CNIH3: variants seen among roughly 807,000 people sequenced by gnomAD.
CNIH3 encodes protein cornichon homolog 3.
Under a neutral mutation model 24.1 loss-of-function variants are expected in CNIH3, and 14 were observed. That is an observed-to-expected ratio of 0.58 (90% CI 0.38 to 0.91). The LOEUF is 0.91. Ranked by LOEUF, CNIH3 falls within the 40% of genes least tolerant of loss-of-function variation. The pLI is 0.00. For missense variants in CNIH3, 178 were observed against 196.8 expected, an observed-to-expected ratio of 0.90 and a Z score of 0.57; for synonymous variants, 68 against 73.8, an observed-to-expected ratio of 0.92 and a Z score of 0.40.
In CNIH3 at chr1:224,455,725, A is replaced by G. The variant is rs908121553; in HGVS notation, n.203+20863A>G. Among the ~76,000 whole-genome samples the G allele has an allele frequency of 5.3e-5, 8 of 152,166 alleles. 1 individual carries two copies. Among genetic ancestry groups the G allele is most frequent in the African/African-American group, 1.9e-4 (8 of 41,442 alleles). On this transcript the variant is annotated intron_variant and non_coding_transcript_variant, in intron 1 of 5. Coordinates refer to the CNIH3 transcript ENST00000471578. ...TTCTGTTCTGTACCCCTTATGTGTT[A>G]TAAGATAATGGAGGAAAATCTCAGT...
downstream of CNIH3, among the ~76,000 whole-genome samples, chr1:224,591,468 A>G (rs1681751697): frequency 6.6e-6 from 1 of 152,196 alleles, no homozygotes; most frequent in Non-Finnish European, 1.5e-5. Context: ...GTCTTACTGA[A>G]GAGATGAGTT....
At chr1:224,728,388 C>T (rs1387475379) in intron 3 of CNIH3, among the ~76,000 whole-genome samples, 3 of 152,100 alleles carry the variant, frequency 2.0e-5, no homozygotes, top group East Asian at 3.9e-4. Flanking sequence ...AGGGACATGG[C>T]GTGCCCCCTC....
Position 224,497,925 on chromosome 1 carries a change from A to AT in CNIH3, n.204-17812dup, listed in dbSNP as rs534351180. 1.6e-4 allele frequency among the ~76,000 whole-genome samples: 24 copies of AT among 152,284 alleles called. No individual in the cohort carries two copies. The East Asian group carries it at 4.6e-3, about 29-fold the overall frequency. The stretch of plus-strand genomic sequence containing the variant: ...CATCTGCATGTCTCAAGTGATTAGT[A>AT]TTTTCCAAAGTGAGCTCATCACATT... On this transcript the variant is annotated intron_variant and non_coding_transcript_variant, in intron 1 of 5. Coordinates refer to the CNIH3 transcript ENST00000471578.
chr1:224,621,171 C>G lies in CNIH3; in HGVS notation c.81+3916C>G, dbSNP rs1172884985. ...TAGAAAGATCTGATGCACCATCTCA[C>G]CTTGAAATTTCTTTGGATTCACAGC... On this transcript the variant is annotated intron_variant, in intron 1 of 5. Transcript: ENST00000272133. 2.0e-5 allele frequency among the ~76,000 whole-genome samples: 3 copies of G among 152,196 alleles called. No individual in the cohort carries two copies. In the East Asian group the frequency reaches 5.8e-4, roughly 29 times the overall value.
intron 2 of CNIH3, among the ~76,000 whole-genome samples, chr1:224,531,193 C>T (rs930545449): frequency 1.3e-5 from 2 of 152,092 alleles, no homozygotes; most frequent in African/African-American, 2.4e-5. Flanking sequence ...ATTTAGTAAC[C>T]ATTAATAAAT....
At chr1:224,692,102 G>T (rs1686959839) in intron 3 of CNIH3, among the ~76,000 whole-genome samples, 1 of 152,162 alleles carries the variant, frequency 6.6e-6, no homozygotes, top group Non-Finnish European at 1.5e-5. Flanking sequence ...TGAGATCAGT[G>T]TGGGTAACAT....
At chr1:224,452,750 C>T (rs1366996837) in intron 1 of CNIH3, among the ~76,000 whole-genome samples, 1 of 145,062 alleles carries the variant, frequency 6.9e-6, no homozygotes, top group Non-Finnish European at 1.5e-5. Context: ...CCACTGCACT[C>T]CAGCCTGGGC....
At chr1:224,444,019 A>G (rs1292816403) in intron 1 of CNIH3, among the ~76,000 whole-genome samples, 8 of 152,222 alleles carry the variant, frequency 5.3e-5, no homozygotes. Context: ...AAACATACAT[A>G]AAGGTAAAGA....
At chr1:224,621,664 G>C (rs574723773) in intron 1 of CNIH3, among the ~76,000 whole-genome samples, 2 of 152,342 alleles carry the variant, frequency 1.3e-5, no homozygotes, top group East Asian at 3.9e-4. Context: ...CATGAGAGCA[G>C]GGACGTTTTC....
intron 1 of CNIH3, among the ~76,000 whole-genome samples, chr1:224,646,839 T>C (rs1461033456): frequency 6.6e-6 from 1 of 152,206 alleles, no homozygotes; most frequent in East Asian, 1.9e-4. Context: ...CTATAGAGTA[T>C]GAGTGCTGGT....
At chr1:224,668,260 C>A (rs1212461441) in intron 1 of CNIH3, among the ~76,000 whole-genome samples, 1 of 152,348 alleles carries the variant, frequency 6.6e-6, no homozygotes, top group East Asian at 1.9e-4. Context: ...AATGCCACAG[C>A]TGGCATTACT....
chr1:224,730,395 C>T, intron 3 of CNIH3, 67 bp from the exon 4 acceptor site: 1 of 1,031,154 alleles, frequency 9.7e-7, no homozygotes. Context: ...CAGAAGTCAG[C>T]TGCCATAGAA....
At chr1:224,553,195 AG>A (rs200665961) in intron 3 of CNIH3, among the ~76,000 whole-genome samples, 2,335 of 149,684 alleles carry the variant, frequency 0.016, 22 homozygotes, top group Middle Eastern at 0.043. Context: ...ATAATATCAC[AG>A]GGGGTATACC....
intron 3 of CNIH3, among the ~76,000 whole-genome samples, chr1:224,599,182 A>C (rs1036345113): frequency 6.6e-6 from 1 of 152,192 alleles, no homozygotes; most frequent in African/African-American, 2.4e-5. Context: ...ATAATTCTGC[A>C]ATATGAAATG....
chr1:224,463,757 CTTATGAATTGTCCTCATTT>C (rs1676029295), intron 1 of CNIH3, among the ~76,000 whole-genome samples: 8 of 125,240 alleles, frequency 6.4e-5, no homozygotes, highest in Admixed American at 8.0e-5. Flanking sequence ...TTTCTCCCAG[CTTATGAATTGTCCTCATTT>C]TTTTTTTTTT....
At chr1:224,503,819 C>T (rs1043562135) in intron 1 of CNIH3, among the ~76,000 whole-genome samples, 1 of 152,232 alleles carries the variant, frequency 6.6e-6, no homozygotes, top group South Asian at 2.1e-4. Context: ...TGTGGAATAA[C>T]AGGCCCAGCC....
At chr1:224,663,483 A>G (rs1317638634) in intron 1 of CNIH3, among the ~76,000 whole-genome samples, 3 of 152,210 alleles carry the variant, frequency 2.0e-5, no homozygotes, top group African/African-American at 7.2e-5. Context: ...CAACCTGCAA[A>G]TGGAAATTTC....
intron 1 of CNIH3, among the ~76,000 whole-genome samples, chr1:224,493,154 A>AT (rs575980064): frequency 7.6e-4 from 115 of 152,048 alleles, no homozygotes; most frequent in Non-Finnish European, 1.3e-3. Context: ...CCTTCTTTTT[A>AT]TTTTTTGTTT....
chr1:224,579,068 T>C lies in CNIH3; in HGVS notation n.517-4096T>C, dbSNP rs1385814318. The stretch of plus-strand genomic sequence containing the variant: ...CTGAACTGATCATGTTTCTTTTTTC[T>C]TTTTTTTTTTTTCTTTCTGTTTTCT... On this transcript the variant is annotated intron_variant and non_coding_transcript_variant, in intron 4 of 5. Transcript: ENST00000471578. Among the ~76,000 whole-genome samples, 5 of 107,816 alleles carry C rather than the reference T, an allele frequency of 4.6e-5. No individual in the cohort carries two copies. In the South Asian group the frequency reaches 1.1e-3, roughly 25 times the overall value. 70.7% of individuals were successfully genotyped at this position (107,816 alleles called of 152,430 possible).
Sources: gnomAD v4.1 joint callset for allele counts (sites outside exome capture counted in the v4.1 genomes callset) on GRCh38, gnomAD v4.1.1 for gene constraint, MANE v1.5 for transcripts, NCBI Gene and HGNC (gene_info 2026-07-23, HGNC 2026-07-21) for gene names.